USP13: variants seen among roughly 807,000 people sequenced by gnomAD.
USP13 encodes the protein ubiquitin specific peptidase 13.
In USP13, 68 loss-of-function variants were observed where a neutral mutation model predicts 107.8. That is an observed-to-expected ratio of 0.63 (90% CI 0.52 to 0.77). USP13 has a LOEUF of 0.77. Among genes scored for constraint, USP13 ranks in the 30% least tolerant of loss-of-function variants. The pLI is 0.00. For missense variants in USP13, 945 were observed against 1,093.3 expected (o/e 0.86, Z 1.91); for synonymous variants, 377 against 389.5 (o/e 0.97, Z 0.38).
chr3:179,680,212 G>T (rs9859336), intron 1 of USP13, among the ~76,000 whole-genome samples: 1 of 151,750 alleles, frequency 6.6e-6, no homozygotes, highest in Non-Finnish European at 1.5e-5. Flanking sequence ...AAAAGAAAGA[G>T]AGAGAGAGAG....
intron 19 of USP13, among the ~76,000 whole-genome samples, chr3:179,774,187 T>A (rs1356021767): frequency 6.6e-6 from 1 of 152,090 alleles, no homozygotes; most frequent in East Asian, 1.9e-4. Flanking sequence ...TTAAACAACC[T>A]CTTCTCCCTT....
At chr3:179,703,495 G>A (rs1712605697) in intron 4 of USP13, among the ~76,000 whole-genome samples, 1 of 152,168 alleles carries the variant, frequency 6.6e-6, no homozygotes, top group African/African-American at 2.4e-5. Flanking sequence ...AGCACTGTGA[G>A]CTCGGCAGGG....
intron 13 of USP13, among the ~76,000 whole-genome samples, chr3:179,747,175 T>G (rs1714440619): frequency 6.6e-6 from 1 of 152,156 alleles, no homozygotes; most frequent in African/African-American, 2.4e-5. Context: ...TTTGTGTCCT[T>G]GCAGATAACA....
At chr3:179,716,670 A>G (rs554541689) in intron 6 of USP13, among the ~76,000 whole-genome samples, 18 of 152,170 alleles carry the variant, frequency 1.2e-4, no homozygotes, top group Non-Finnish European at 2.2e-4. Context: ...TTTTCCATCA[A>G]AATATAATAA....
At chr3:179,707,168 T>G in intron 5 of USP13, 92 bp downstream of exon 5, 1 of 1,447,214 alleles carries the variant, frequency 6.9e-7, no homozygotes, top group Non-Finnish European at 9.2e-7. Context: ...GGAAGTTATA[T>G]TTTTTCTTAC....
intron 1 of USP13, among the ~76,000 whole-genome samples, chr3:179,659,953 G>C (rs1720408295): frequency 6.6e-6 from 1 of 152,192 alleles, no homozygotes. Flanking sequence ...GAGGCAGGGA[G>C]AATCGCTTGA....
Position 179,664,130 on chromosome 3 carries a change from G to GT in USP13, c.168+10750dup, listed in dbSNP as rs113908086. Among the ~76,000 whole-genome samples, 295 of 143,972 alleles carry GT rather than the reference G, an allele frequency of 2.0e-3. 1 individual carries two copies. Among genetic ancestry groups the GT allele is most frequent in the African/African-American group, 3.8e-3 (150 of 39,676 alleles). The allele number at this position is 143,972 out of a possible 152,430, so 94.5% of individuals were successfully genotyped here. A position where few individuals can be genotyped will look rare whatever the true frequency, so the allele number is the denominator to read the frequency against. On this transcript the variant is annotated intron_variant, in intron 1 of 20. Transcript: ENST00000263966. ...GCATCTTTTCTGATTTTCTGGGTGT[G>GT]TTTTTTTTTTTTTGGAGTCTTGGTC... is the stretch of plus-strand genomic sequence containing the variant.
rs1711536862 is a variant in USP13 at position 179,678,295 on chromosome 3, C to T, written c.169-3583C>T. Among the ~76,000 whole-genome samples the T allele has an allele frequency of 6.6e-6, 1 of 152,104 alleles. No homozygotes were observed. The highest frequency in any genetic ancestry group is 1.5e-5 in the Non-Finnish European group (1 of 68,032). On this transcript the variant is annotated intron_variant, in intron 1 of 20. Coordinates refer to ENST00000263966, the MANE Select transcript of USP13 (RefSeq NM_003940.3). This position sits in a 1 kb window ranked among gnomAD's most constrained non-coding sequence, Gnocchi z 4.2. ...TGTTTTTCTTAGGAGGTCTATCTAT[C>T]CAAAGAACATGTTTATTTAGAAAAC...
intron 19 of USP13, among the ~76,000 whole-genome samples, chr3:179,773,304 G>A (rs1715397202): frequency 6.6e-6 from 1 of 152,210 alleles, no homozygotes; most frequent in Admixed American, 6.5e-5. Context: ...CAAGTAAAGA[G>A]CATTGGATGA....
At chr3:179,661,909 G>C (rs2108434676) in intron 1 of USP13, among the ~76,000 whole-genome samples, 1 of 152,300 alleles carries the variant, frequency 6.6e-6, no homozygotes, top group South Asian at 2.1e-4. Context: ...GGTTTTCCTA[G>C]CAGCATCTGA....
At chr3:179,717,063 C>T (rs1268770164) in intron 6 of USP13, among the ~76,000 whole-genome samples, 1 of 152,190 alleles carries the variant, frequency 6.6e-6, no homozygotes, top group Non-Finnish European at 1.5e-5. Flanking sequence ...CCTCTGTGAA[C>T]TCCCTAACTG....
intron 6 of USP13, 106 bp downstream of exon 6, chr3:179,709,063 G>T (rs1712830763): frequency 7.5e-7 from 1 of 1,328,844 alleles, no homozygotes; most frequent in Middle Eastern, 2.5e-4. Context: ...GATGCAGACA[G>T]CCCAGGTTTG....
At chr3:179,728,166 A>T (rs1159656075) in intron 8 of USP13, among the ~76,000 whole-genome samples, 3 of 111,660 alleles carry the variant, frequency 2.7e-5, no homozygotes, top group African/African-American at 1.1e-4. Context: ...GGCGCCCCTC[A>T]CCTCCCGGAC....
At chr3:179,783,223 A>G (rs1398306210) in intron 20 of USP13, among the ~76,000 whole-genome samples, 2 of 152,188 alleles carry the variant, frequency 1.3e-5, no homozygotes, top group African/African-American at 4.8e-5. Context: ...ATAAAAATAT[A>G]CAAAGAATAT....
chr3:179,709,254 T>C (rs1301826153), intron 6 of USP13, among the ~76,000 whole-genome samples: 1 of 152,226 alleles, frequency 6.6e-6, no homozygotes, highest in South Asian at 2.1e-4. Flanking sequence ...GCTGCTGTTG[T>C]TATTATCCTT....
chr3:179,705,512 A>G (rs1007882644), intron 4 of USP13, among the ~76,000 whole-genome samples: 2 of 152,120 alleles, frequency 1.3e-5, no homozygotes, highest in African/African-American at 4.8e-5. Context: ...CTTTCATATA[A>G]ATGGAATCAT....
chr3:179,683,306 T>C (rs1711733212), intron 2 of USP13, among the ~76,000 whole-genome samples: 1 of 152,156 alleles, frequency 6.6e-6, no homozygotes, highest in Non-Finnish European at 1.5e-5. Flanking sequence ...TAGTTAGATT[T>C]ATTAAACTTT....
intron 17 of USP13, among the ~76,000 whole-genome samples, chr3:179,761,642 A>G (rs1019082038): frequency 6.6e-6 from 1 of 152,144 alleles, no homozygotes; most frequent in Admixed American, 6.5e-5. Context: ...GAATCGCTTG[A>G]ACGCAGGAGG....
intron 13 of USP13, among the ~76,000 whole-genome samples, chr3:179,751,433 A>G (rs967543339): frequency 6.6e-6 from 1 of 152,176 alleles, no homozygotes; most frequent in African/African-American, 2.4e-5. Flanking sequence ...GGCATTTCCA[A>G]TAGTCAACCT....
Sources: gnomAD v4.1 joint callset for allele counts (sites outside exome capture counted in the v4.1 genomes callset) on GRCh38, gnomAD v4.1.1 for gene constraint, Gnocchi (gnomAD v3.1) non-coding constraint, MANE v1.5 for transcripts, NCBI Gene and HGNC (gene_info 2026-07-23, HGNC 2026-07-21) for gene names.